Variants in PPP2R3A observed in about 807,000 individuals in gnomAD.
PPP2R3A encodes the protein serine/threonine-protein phosphatase 2A regulatory subunit B'' subunit alpha.
Under a neutral mutation model 106.9 loss-of-function variants are expected in PPP2R3A, and 80 were observed. The ratio of observed to expected loss-of-function variants is 0.75; its 90% CI spans 0.62 to 0.90. The LOEUF (loss-of-function observed/expected upper bound fraction) is 0.90. PPP2R3A is among the 40% of genes least tolerant of loss of function. The pLI is 0.00. For missense variants in PPP2R3A, 1,386 were observed against 1,350.4 expected (o/e 1.03, Z -0.41); for synonymous variants, 483 against 468.3 (o/e 1.03, Z -0.41).
intron 5 of PPP2R3A, among the ~76,000 whole-genome samples, chr3:136,053,213 A>G (rs1357555881): frequency 6.6e-6 from 1 of 152,174 alleles, no homozygotes; most frequent in Non-Finnish European, 1.5e-5. Context: ...TAGTGAAATA[A>G]TCTGTACCAC....
intron 13 of PPP2R3A, among the ~76,000 whole-genome samples, chr3:136,139,794 G>T (rs996972029): frequency 3.3e-5 from 5 of 151,206 alleles, no homozygotes; most frequent in Non-Finnish European, 7.4e-5. Flanking sequence ...ACCTGAGGTT[G>T]GGAGTTCAAG....
intron 1 of PPP2R3A, among the ~76,000 whole-genome samples, chr3:135,982,332 T>A (rs1937549294): frequency 6.6e-6 from 1 of 152,156 alleles, no homozygotes; most frequent in Non-Finnish European, 1.5e-5. Context: ...AATAACAAAC[T>A]CTTGTTGGGC....
chr3:136,081,701 A>G (rs927932041), intron 7 of PPP2R3A, among the ~76,000 whole-genome samples: 3 of 152,162 alleles, frequency 2.0e-5, no homozygotes, highest in African/African-American at 4.8e-5. Flanking sequence ...ATTTTGCCGT[A>G]GGGGAGTACA....
chr3:136,040,970 T>C lies in PPP2R3A; in HGVS notation c.2366+8T>C, dbSNP rs1935246885. 1 of 1,610,112 alleles carries C rather than the reference T, an allele frequency of 6.2e-7. No individual in the cohort carries two copies. The highest frequency in any genetic ancestry group is 8.5e-7 in the Non-Finnish European group (1 of 1,177,258). Reference sequence around the variant, plus strand: ...CATTGCCATGTGGAGAAAGTAAGTATGTGAGCAGTCTCTCTGGAGCTAGGC... The same window carrying C: ...CATTGCCATGTGGAGAAAGTAAGTACGTGAGCAGTCTCTCTGGAGCTAGGC... On this transcript the variant is annotated splice_region_variant and intron_variant, in intron 4 of 13. Coordinates refer to ENST00000264977, the MANE Select transcript of PPP2R3A (RefSeq NM_002718.5).
intron 4 of PPP2R3A, among the ~76,000 whole-genome samples, chr3:136,042,621 C>T (rs1316059547): frequency 3.3e-5 from 5 of 152,102 alleles, no homozygotes; most frequent in African/African-American, 2.4e-5. Flanking sequence ...TTCTGCAAAA[C>T]GCAAAAAGCG....
chr3:136,062,200 A>G lies in PPP2R3A; in HGVS notation c.2470-8278A>G, dbSNP rs577881461. Among the ~76,000 whole-genome samples the G allele has an allele frequency of 6.4e-4, 97 of 152,294 alleles. 1 individual carries two copies. The East Asian group carries it at 8.5e-3, about 13-fold the overall frequency. ...TTTATAAGTTACCTCTTTGCTTCTTAAATGGTTACTTGCATATATACTGCA... is the reference window on the plus strand; with the variant it reads ...TTTATAAGTTACCTCTTTGCTTCTTGAATGGTTACTTGCATATATACTGCA... On this transcript the variant is annotated intron_variant, in intron 5 of 13. Coordinates refer to ENST00000264977, the MANE Select transcript of PPP2R3A (RefSeq NM_002718.5).
intron 7 of PPP2R3A, among the ~76,000 whole-genome samples, chr3:136,080,135 C>T (rs1936733667): frequency 6.6e-6 from 1 of 152,120 alleles, no homozygotes; most frequent in Non-Finnish European, 1.5e-5. Flanking sequence ...TATATGGGTT[C>T]ATACTATTCT....
At chr3:136,023,968 T>C (rs1305563570) in intron 2 of PPP2R3A, among the ~76,000 whole-genome samples, 1 of 152,194 alleles carries the variant, frequency 6.6e-6, no homozygotes, top group Non-Finnish European at 1.5e-5. Context: ...GTTTTATGGT[T>C]ATTCTGACCC....
At chr3:136,045,065 G>C (rs577116215) in intron 4 of PPP2R3A, among the ~76,000 whole-genome samples, 2 of 152,206 alleles carry the variant, frequency 1.3e-5, no homozygotes, top group Non-Finnish European at 2.9e-5. Context: ...TTGACTGCCA[G>C]ACCTGGAGAG....
chr3:136,143,587 C>A (rs1270804548), intron 13 of PPP2R3A, among the ~76,000 whole-genome samples: 1 of 152,024 alleles, frequency 6.6e-6, no homozygotes, highest in Non-Finnish European at 1.5e-5. Context: ...GTTAGGAGTT[C>A]AAGACCAGTC....
chr3:136,112,427 G>A (rs191518536), intron 13 of PPP2R3A, among the ~76,000 whole-genome samples: 14 of 152,110 alleles, frequency 9.2e-5, no homozygotes, highest in South Asian at 4.2e-4. Flanking sequence ...TCTGATAAAC[G>A]ACTTCAGTAA....
At chr3:135,989,244 G>T (rs1180675163) in intron 1 of PPP2R3A, among the ~76,000 whole-genome samples, 1 of 152,116 alleles carries the variant, frequency 6.6e-6, no homozygotes, top group Admixed American at 6.6e-5. Flanking sequence ...TGGAGACCCA[G>T]AGGACACATG....
chr3:135,991,910 A>G (rs1159275872), intron 1 of PPP2R3A, among the ~76,000 whole-genome samples: 1 of 152,164 alleles, frequency 6.6e-6, no homozygotes, highest in Non-Finnish European at 1.5e-5. Context: ...GAATGTTTTT[A>G]TATTACCCTT....
At chr3:136,138,635 A>G (rs1938718018) in intron 13 of PPP2R3A, among the ~76,000 whole-genome samples, 1 of 151,896 alleles carries the variant, frequency 6.6e-6, no homozygotes, top group African/African-American at 2.4e-5. Flanking sequence ...AAAAGTATAA[A>G]GATAAATCAC....
intron 8 of PPP2R3A, chr3:136,087,583 G>C (rs1936986340): frequency 4.6e-6 from 1 of 218,722 alleles, no homozygotes; most frequent in African/African-American, 2.3e-5. Flanking sequence ...TAGGAAAATT[G>C]GTCTCATTGG....
At chr3:136,099,214 CA>C (rs1937294777) in intron 10 of PPP2R3A, among the ~76,000 whole-genome samples, 1 of 152,152 alleles carries the variant, frequency 6.6e-6, no homozygotes, top group Non-Finnish European at 1.5e-5. Context: ...ATTCATTTTA[CA>C]GTAAAGCCCA....
At chr3:136,057,046 T>C (rs1438084394) in intron 5 of PPP2R3A, among the ~76,000 whole-genome samples, 1 of 150,194 alleles carries the variant, frequency 6.7e-6, no homozygotes, top group Non-Finnish European at 1.5e-5. Flanking sequence ...AATAACATGC[T>C]GGTGAGGATG....
intron 5 of PPP2R3A, among the ~76,000 whole-genome samples, chr3:136,062,584 G>C (rs889807153): frequency 6.6e-6 from 1 of 152,162 alleles, no homozygotes; most frequent in Admixed American, 6.5e-5. Context: ...CAGGCGTGGT[G>C]GTGGGCGCCT....
intron 1 of PPP2R3A, among the ~76,000 whole-genome samples, chr3:135,982,986 C>T (rs1327322598): frequency 6.6e-6 from 1 of 152,064 alleles, no homozygotes; most frequent in Non-Finnish European, 1.5e-5. Flanking sequence ...ATGCACTCTT[C>T]CAATTGGCAA....
Sources: gnomAD v4.1 joint callset for allele counts (sites outside exome capture counted in the v4.1 genomes callset) on GRCh38, gnomAD v4.1.1 for gene constraint, MANE v1.5 for transcripts, NCBI Gene and HGNC (gene_info 2026-07-23, HGNC 2026-07-21) for gene names.